Variants in KIF21B observed in about 807,000 individuals in gnomAD.
The protein encoded by KIF21B is kinesin-like protein KIF21B.
Under a neutral mutation model 192.9 loss-of-function variants are expected in KIF21B, and 85 were observed. That is an observed-to-expected ratio of 0.44 (90% CI 0.37 to 0.53). The LOEUF is 0.53. Ranked by LOEUF, KIF21B falls within the 20% of genes least tolerant of loss-of-function variation. The probability of loss-of-function intolerance (pLI) is 0.00; values close to 1 mark genes in which losing one functional copy is unlikely to be tolerated. For missense variants in KIF21B, 1,716 were observed against 2,194.8 expected (o/e 0.78, Z 4.36); for synonymous variants, 832 against 884.6 (o/e 0.94, Z 1.05).
rs1386821650 is a variant in KIF21B at position 200,998,138 on chromosome 1, G to A, written c.2077+246C>T. ...GGGAGTGTCATGTTCGCGTGCCTAGGTATATAAAGAATTCTAATACATGAC... is the reference window on the plus strand; with the variant it reads ...GGGAGTGTCATGTTCGCGTGCCTAGATATATAAAGAATTCTAATACATGAC... On this transcript the variant is annotated intron_variant, in intron 14 of 34. Coordinates refer to ENST00000461742, the MANE Select transcript of KIF21B (RefSeq NM_001252102.2). This position sits in a 1 kb window ranked among gnomAD's most constrained non-coding sequence, Gnocchi z 4.3. Among the ~76,000 whole-genome samples, 4 of 152,134 alleles carry A rather than the reference G, an allele frequency of 2.6e-5. No individual in the cohort carries two copies. Among genetic ancestry groups the A allele is most frequent in the African/African-American group, 9.7e-5 (4 of 41,412 alleles).
chr1:201,004,618 A>C, intron 6 of KIF21B, 148 bp downstream of exon 6: 1 of 1,166,196 alleles, frequency 8.6e-7, no homozygotes, highest in Non-Finnish European at 1.2e-6. Context: ...GAAATGGGGA[A>C]GCTGGGGACA....
In KIF21B at chr1:200,975,819, G is replaced by C. The variant is rs565365121; in HGVS notation, c.4444-150C>G. 6.0e-5 allele frequency: 45 copies of C among 749,268 alleles called. No homozygotes were observed. The South Asian group carries it at 8.1e-4, about 14-fold the overall frequency. 46.4% of individuals were successfully genotyped at this position (749,268 alleles called of 1,614,324 possible). A position where few individuals can be genotyped will look rare whatever the true frequency, so the allele number is the denominator to read the frequency against. On this transcript the variant is annotated intron_variant, in intron 32 of 34. Transcript: ENST00000461742. The surrounding 1 kb of genome is among the most constrained non-coding windows in gnomAD (Gnocchi z 4.3). ...GGGAGAGGAGCTTCCCAGCAGGCGA[G>C]GGTTCCTGGAGGTGGGGCTGCTCCT... is the stretch of plus-strand genomic sequence containing the variant.
chr1:200,990,201 A>C lies in KIF21B; in HGVS notation c.2967T>G (p.Ile989Met), dbSNP rs757708029. The stretch of plus-strand genomic sequence containing the variant: ...CGGTGATGCCGTCATTGATGTAGTC[A>C]ATGTTGGCTGCCAGCACCTCGATCT... Reference protein sequence around the residue: ...AEEIEVLAANIDYINDGITDC... With the variant: ...AEEIEVLAANMDYINDGITDC... Residue 989 changes from isoleucine to methionine, a missense_variant, in exon 20 of 35, where the codon ATT becomes ATG. Physicochemically the swap from Ile to Met is conservative, Grantham distance 10. This residue lies in a region of KIF21B where 49 missense variants were observed against 102.6 expected (regional missense o/e 0.48). Transcript: ENST00000461742. The surrounding 1 kb of genome is among the most constrained non-coding windows in gnomAD (Gnocchi z 5.4). The C allele has an allele frequency of 6.2e-7, 1 of 1,613,930 alleles. No homozygotes were observed. The highest frequency in any genetic ancestry group is 1.3e-5 in the African/African-American group (1 of 74,896).
rs550682477 is a variant in KIF21B, at chr1:200,984,801, A to G, written c.3803+58T>C. ...AGCCCTCCTCCAGCAAGGACCATCC[A>G]CAGGCTCCCCATTGCCACCTCAGTG... On this transcript the variant is annotated intron_variant, in intron 27 of 34. Transcript: ENST00000461742. The G allele has an allele frequency of 4.6e-6, 6 of 1,308,374 alleles. No individual in the cohort carries two copies. In the African/African-American group the frequency reaches 9.2e-5, roughly 20 times the overall value. 81.0% of individuals were successfully genotyped at this position (1,308,374 alleles called of 1,614,324 possible). A position where few individuals can be genotyped will look rare whatever the true frequency, so the allele number is the denominator to read the frequency against.
rs759136145 is a variant in KIF21B at position 200,987,032 on chromosome 1, G to C, written c.3578C>G (p.Ser1193Trp). Reference sequence around the variant, plus strand: ...CCGGGTAGGCAGACTGACGGTGCGCGAGACCCTGTCCCGGTAATAGGGGTC... The same window carrying C: ...CCGGGTAGGCAGACTGACGGTGCGCCAGACCCTGTCCCGGTAATAGGGGTC... ...VRDPYYRDRVSRTVSLPTRGS... is the reference protein window; with the variant it reads ...VRDPYYRDRVWRTVSLPTRGS... The change falls in exon 25 of 35, where the codon TCG becomes TGG. Residue 1193 changes from serine (S) to tryptophan (W), a missense_variant. By Grantham distance (177) the Ser-to-Trp change is radical. Transcript: ENST00000461742. 1.2e-6 allele frequency: 2 copies of C among 1,614,054 alleles called. No homozygotes were observed. The highest frequency in any genetic ancestry group is 1.7e-6 in the Non-Finnish European group (2 of 1,180,020).
At position 201,003,623 on chromosome 1, in the gene KIF21B, A is replaced by C. The variant is rs763589449; in HGVS notation, c.1175T>G (p.Ile392Ser). The change falls in exon 8 of 35, where the codon ATT becomes AGT. Residue 392 changes from isoleucine to serine, a missense_variant. Ile to Ser is a moderately radical substitution (Grantham distance 142). Coordinates refer to ENST00000461742, the MANE Select transcript of KIF21B (RefSeq NM_001252102.2). ...CATCAGCTCCATCTGCAGCCGAGCA[A>C]TCTCAGCCCGCAGTGCACTGATTTG... ...SQQISALRAE[I>S]ARLQMELMEY... 3 of 1,614,132 alleles carry C rather than the reference A, an allele frequency of 1.9e-6. No homozygotes were observed. Among genetic ancestry groups the C allele is most frequent in the Non-Finnish European group, 2.5e-6 (3 of 1,180,026 alleles).
rs766086618 is a variant in KIF21B, at chr1:200,975,465, C to T, written c.4614+34G>A. 10 of 1,582,206 alleles carry T rather than the reference C, an allele frequency of 6.3e-6. No homozygotes were observed. The highest frequency in any genetic ancestry group is 5.7e-5 in the South Asian group (5 of 87,680). ...CGTGGGCTATGGAAACCACCCTACC[C>T]GAGTCTACCCTCTCCCTTTCCTCCT... is the stretch of plus-strand genomic sequence containing the variant. On this transcript the variant is annotated intron_variant, in intron 33 of 34. Transcript: ENST00000461742. This position sits in a 1 kb window ranked among gnomAD's most constrained non-coding sequence, Gnocchi z 4.3.
intron 26 of KIF21B, among the ~76,000 whole-genome samples, chr1:200,986,016 T>G (rs1656280170): frequency 6.6e-6 from 1 of 151,186 alleles, no homozygotes; most frequent in Non-Finnish European, 1.5e-5. Flanking sequence ...CAGCCAATTT[T>G]TTTGTATTTC....
intron 24 of KIF21B, 33 bp from the exon 25 acceptor site, chr1:200,987,234 C>A (rs777417004): frequency 6.3e-7 from 1 of 1,577,858 alleles, no homozygotes. Context: ...GATCAACTTG[C>A]CCAAATTGCA....
chr1:201,008,182 T>TG (rs886652560), intron 3 of KIF21B, among the ~76,000 whole-genome samples: 1 of 152,200 alleles, frequency 6.6e-6, no homozygotes, highest in Non-Finnish European at 1.5e-5. Flanking sequence ...AGAGACCCCC[T>TG]GCTCCCCACT....
intron 3 of KIF21B, among the ~76,000 whole-genome samples, chr1:201,007,091 G>C (rs1256404030): frequency 3.2e-5 from 3 of 95,114 alleles, no homozygotes; most frequent in Middle Eastern, 8.5e-3. Context: ...CACACACAGA[G>C]ACAGACACAC....
chr1:201,010,610 A>G (rs1302864521), intron 1 of KIF21B, among the ~76,000 whole-genome samples: 2 of 152,176 alleles, frequency 1.3e-5, no homozygotes, highest in African/African-American at 4.8e-5. Flanking sequence ...CACACAAGCC[A>G]GCCCATCAGC....
chr1:200,986,771 C>T (rs1300432977), intron 26 of KIF21B, 73 bp downstream of exon 26: 2 of 1,293,670 alleles, frequency 1.5e-6, no homozygotes, highest in African/African-American at 1.5e-5. Flanking sequence ...CAGAGCAGAA[C>T]ATCATAGCCA....
rs1241889768 is a variant in KIF21B at position 200,972,148 on chromosome 1, C to A, written c.*1373G>T. The A allele has an allele frequency of 6.6e-6, 1 of 152,330 alleles. No homozygotes were observed. The highest frequency in any genetic ancestry group is 1.5e-5 in the Non-Finnish European group (1 of 68,048). 9.4% of individuals were successfully genotyped at this position (152,330 alleles called of 1,614,324 possible). ...GTTCCCCCAACAGGGGGCGCCAGAA[C>A]ACTGATTTAACAATTTCCCCGGAGC... On this transcript the variant is annotated 3_prime_UTR_variant, in exon 35 of 35. Transcript: ENST00000461742.
chr1:200,975,030 GC>G lies in KIF21B; in HGVS notation c.4615-118del. 1 of 1,034,008 alleles carries G rather than the reference GC, an allele frequency of 9.7e-7. No individual in the cohort carries two copies. Among genetic ancestry groups the G allele is most frequent in the South Asian group, 1.5e-5 (1 of 67,370 alleles). 64.1% of individuals were successfully genotyped at this position (1,034,008 alleles called of 1,614,324 possible). A position where few individuals can be genotyped will look rare whatever the true frequency, so the allele number is the denominator to read the frequency against. On this transcript the variant is annotated intron_variant, in intron 33 of 34. Coordinates refer to ENST00000461742, the MANE Select transcript of KIF21B (RefSeq NM_001252102.2). This position sits in a 1 kb window ranked among gnomAD's most constrained non-coding sequence, Gnocchi z 4.3. ...CCAGGCTCCCCTGGCCTCTAGAGCT[GC>G]CACACGGGCGGGTGACACTGGTTCC...
chr1:200,972,098 CA>C lies in KIF21B; in HGVS notation c.*1422del, dbSNP rs1311232091. On this transcript the variant is annotated 3_prime_UTR_variant, in exon 35 of 35. Coordinates refer to ENST00000461742, the MANE Select transcript of KIF21B (RefSeq NM_001252102.2). Reference sequence around the variant, plus strand: ...GAGAGGGATGGAGCTCAGTCCCCCCCAAGGCCCACTCCTGTAATTCCAGAGT... The same window carrying C: ...GAGAGGGATGGAGCTCAGTCCCCCCCAGGCCCACTCCTGTAATTCCAGAGT... 2 of 151,974 alleles carry C rather than the reference CA, an allele frequency of 1.3e-5. No homozygotes were observed. Among genetic ancestry groups the C allele is most frequent in the Non-Finnish European group, 2.9e-5 (2 of 67,964 alleles). The allele number at this position is 151,974 out of a possible 1,614,324, so 9.4% of individuals were successfully genotyped here. A position where few individuals can be genotyped will look rare whatever the true frequency, so the allele number is the denominator to read the frequency against.
rs538230337 is a variant in KIF21B, at chr1:200,999,328, C to T, written c.1885+21G>A. 2.5e-6 allele frequency: 4 copies of T among 1,614,048 alleles called. No homozygotes were observed. The Middle Eastern group carries it at 5.0e-4, about 200-fold the overall frequency. On this transcript the variant is annotated intron_variant, in intron 13 of 34. Coordinates refer to ENST00000461742, the MANE Select transcript of KIF21B (RefSeq NM_001252102.2). The surrounding 1 kb of genome is among the most constrained non-coding windows in gnomAD (Gnocchi z 4.7). ...AGCCAGGCATTGCATCCCCCACAGC[C>T]CACAGCTCAGGCCCACGCACCCTTC...
chr1:201,000,856 C>T lies in KIF21B; in HGVS notation c.1403-76G>A. ...AGCGCGGTGGCTCAGACCTATAATT[C>T]CAGCACTTTGGGAGGCCAAGGCGGG... On this transcript the variant is annotated intron_variant, in intron 9 of 34. Coordinates refer to ENST00000461742, the MANE Select transcript of KIF21B (RefSeq NM_001252102.2). The surrounding 1 kb of genome is among the most constrained non-coding windows in gnomAD (Gnocchi z 6.0). The T allele has an allele frequency of 2.7e-6, 4 of 1,509,088 alleles. No homozygotes were observed. The highest frequency in any genetic ancestry group is 3.7e-6 in the Non-Finnish European group (4 of 1,087,670). The allele number at this position is 1,509,088 out of a possible 1,614,324, so 93.5% of individuals were successfully genotyped here.
intron 9 of KIF21B, among the ~76,000 whole-genome samples, chr1:201,001,109 G>GAAAAA (rs57228721): frequency 8.5e-6 from 1 of 117,054 alleles, no homozygotes; most frequent in Non-Finnish European, 1.8e-5. Context: ...CTCCGTCTCA[G>GAAAAA]AAAAAAAAAA....
Sources: allele counts gnomAD v4.1 joint callset (sites outside exome capture counted in the v4.1 genomes callset), GRCh38; gene constraint gnomAD v4.1.1; regional missense constraint gnomAD v4.1.1; non-coding constraint Gnocchi (gnomAD v3.1); transcripts MANE v1.5; gene names NCBI Gene and HGNC (gene_info 2026-07-23, HGNC 2026-07-21).